Variants in ABAT observed in about 807,000 individuals in gnomAD.
ABAT encodes the protein 4-aminobutyrate aminotransferase, also known as 4-aminobutyrate aminotransferase, mitochondrial.
A neutral mutation model predicts 64.6 loss-of-function variants in ABAT; 45 were observed. The observed-to-expected ratio is 0.70, with a 90% CI of 0.55 to 0.89. ABAT has a LOEUF of 0.89. Ranked by LOEUF, ABAT falls within the 40% of genes least tolerant of loss-of-function variation. The pLI is 0.00. For missense variants in ABAT, 633 were observed against 658.4 expected, an observed-to-expected ratio of 0.96 and a Z score of 0.42; for synonymous variants, 297 against 250.5, an observed-to-expected ratio of 1.19 and a Z score of -1.75.
At chr16:8,769,794 T>C (rs1434185414) in intron 11 of ABAT, among the ~76,000 whole-genome samples, 1 of 152,108 alleles carries the variant, frequency 6.6e-6, no homozygotes, top group Non-Finnish European at 1.5e-5. Flanking sequence ...ACTCAGTATA[T>C]GGGGGTTCCA....
chr16:8,775,705 A>G (rs2060248359), intron 13 of ABAT, among the ~76,000 whole-genome samples: 1 of 152,196 alleles, frequency 6.6e-6, no homozygotes, highest in East Asian at 1.9e-4. Flanking sequence ...AGGCAGTAGG[A>G]AAGAAAAAGA....
chr16:8,755,413 A>G (rs2059621171), intron 5 of ABAT, among the ~76,000 whole-genome samples: 1 of 152,252 alleles, frequency 6.6e-6, no homozygotes, highest in Non-Finnish European at 1.5e-5. Context: ...TTCAAGACAC[A>G]TGAAAGTGAG....
intron 1 of ABAT, among the ~76,000 whole-genome samples, chr16:8,725,503 T>C (rs181307140): frequency 1.3e-5 from 2 of 152,370 alleles, no homozygotes; most frequent in Admixed American, 1.3e-4. Flanking sequence ...TCATATAGCA[T>C]AAAAAATATT....
chr16:8,775,184 C>T (rs1884611040), intron 13 of ABAT, 127 bp downstream of exon 13: 11 of 1,259,220 alleles, frequency 8.7e-6, no homozygotes, highest in Non-Finnish European at 1.2e-5. Flanking sequence ...TTTCTAAGTC[C>T]CAGTTCTTAT....
chr16:8,762,417 A>T (rs1323245276), intron 6 of ABAT, among the ~76,000 whole-genome samples: 1 of 152,194 alleles, frequency 6.6e-6, no homozygotes, highest in Non-Finnish European at 1.5e-5. Context: ...CACCTAGTGA[A>T]GAGTCTCCAG....
intron 5 of ABAT, among the ~76,000 whole-genome samples, chr16:8,751,528 T>G (rs1229055801): frequency 6.6e-6 from 1 of 152,176 alleles, no homozygotes; most frequent in Non-Finnish European, 1.5e-5. Context: ...CTGACCCCAC[T>G]TCGGGCTCTG....
intron 1 of ABAT, among the ~76,000 whole-genome samples, chr16:8,687,126 G>T (rs1596399104): frequency 1.3e-5 from 2 of 152,090 alleles, no homozygotes; most frequent in Non-Finnish European, 1.5e-5. Context: ...GGAGAGAGAG[G>T]GAAACAGTGA....
In ABAT at chr16:8,750,449, A is replaced by C; in HGVS notation, c.226A>C (p.Asn76His). The change falls in exon 5 of 16, where the codon AAT (asparagine) becomes CAT (histidine). Residue 76 changes from asparagine (N) to histidine (H), a missense_variant. Coordinates refer to ENST00000268251, the MANE Select transcript of ABAT (RefSeq NM_020686.6). ...QNAEAVHFFC[N>H]YEESRGNYLV... ...TGCAGAGGCTGTGCATTTTTTCTGC[A>C]ATTACGAAGAGAGCCGAGGCAATTA... 6.2e-7 allele frequency: 1 copy of C among 1,614,168 alleles called. No homozygotes were observed. Among genetic ancestry groups the C allele is most frequent in the Non-Finnish European group, 8.5e-7 (1 of 1,180,018 alleles).
At chr16:8,773,179 T>C (rs2060171840) in intron 12 of ABAT, among the ~76,000 whole-genome samples, 1 of 147,124 alleles carries the variant, frequency 6.8e-6, no homozygotes. Context: ...TGAGACAGAG[T>C]CTCACTCTGT....
chr16:8,741,799 G>T (rs1318758875), intron 2 of ABAT, among the ~76,000 whole-genome samples: 1 of 152,192 alleles, frequency 6.6e-6, no homozygotes, highest in Non-Finnish European at 1.5e-5. Flanking sequence ...AAGAACCTGG[G>T]TTCCAATGCT....
At chr16:8,744,153 T>C (rs2059263168) in intron 2 of ABAT, among the ~76,000 whole-genome samples, 1 of 151,940 alleles carries the variant, frequency 6.6e-6, no homozygotes, top group Admixed American at 6.6e-5. Context: ...GTTCCCGCAA[T>C]GCTACAAAAA....
rs2143010518 is a variant in ABAT at position 8,783,104 on chromosome 16, T to C, written c.*1674T>C. On this transcript the variant is annotated 3_prime_UTR_variant, in exon 16 of 16. Coordinates refer to ENST00000268251, the MANE Select transcript of ABAT (RefSeq NM_020686.6). ...GTTCTTAATCAGGAGTTCTGCCAGG[T>C]TTAAGGTCACCTGCACTCCCAGCCA... The C allele has an allele frequency of 6.6e-6, 1 of 152,202 alleles. No homozygotes were observed. Among genetic ancestry groups the C allele is most frequent in the African/African-American group, 2.4e-5 (1 of 41,532 alleles). The allele number at this position is 152,202 out of a possible 1,614,324, so 9.4% of individuals were successfully genotyped here. A position where few individuals can be genotyped will look rare whatever the true frequency, so the allele number is the denominator to read the frequency against.
At chr16:8,763,548 T>C (rs2059856143) in intron 6 of ABAT, among the ~76,000 whole-genome samples, 2 of 152,180 alleles carry the variant, frequency 1.3e-5, no homozygotes, top group African/African-American at 4.8e-5. Flanking sequence ...CCCAAGACAC[T>C]CTTTCTCTAC....
At chr16:8,693,260 G>A (rs184387512) in intron 1 of ABAT, among the ~76,000 whole-genome samples, 159 of 152,138 alleles carry the variant, frequency 1.0e-3, no homozygotes, top group Non-Finnish European at 1.7e-3. Flanking sequence ...TAGCCTCTAC[G>A]TATATTTTAT....
At chr16:8,680,679 C>T (rs978476269) in intron 1 of ABAT, among the ~76,000 whole-genome samples, 2 of 152,192 alleles carry the variant, frequency 1.3e-5, no homozygotes, top group African/African-American at 2.4e-5. Context: ...CCGCCTGCCT[C>T]GGCTTCCCAA....
At chr16:8,728,684 G>A (rs1361078056) in intron 1 of ABAT, among the ~76,000 whole-genome samples, 2 of 152,010 alleles carry the variant, frequency 1.3e-5, no homozygotes, top group Non-Finnish European at 2.9e-5. Flanking sequence ...GAACCTTCTG[G>A]CCAACATGGT....
At chr16:8,729,103 T>C (rs1181825511) in intron 1 of ABAT, among the ~76,000 whole-genome samples, 3 of 151,086 alleles carry the variant, frequency 2.0e-5, no homozygotes, top group Admixed American at 2.0e-4. Flanking sequence ...GCTCAGGAGT[T>C]CAAGACCATC....
At chr16:8,713,851 CGACT>C (rs1567280867) in intron 1 of ABAT, 3 of 456,036 alleles carry the variant, frequency 6.6e-6, no homozygotes, top group South Asian at 4.6e-5. Flanking sequence ...CGCAGGACTC[CGACT>C]ACCAGGCACC....
intron 6 of ABAT, among the ~76,000 whole-genome samples, chr16:8,761,181 C>G (rs1010620400): frequency 2.0e-5 from 3 of 149,590 alleles, no homozygotes; most frequent in Non-Finnish European, 3.0e-5. Context: ...CTTCCCCCAC[C>G]TTCCCTATCC....
Sources: allele counts gnomAD v4.1 joint callset (sites outside exome capture counted in the v4.1 genomes callset), GRCh38; gene constraint gnomAD v4.1.1; transcripts MANE v1.5; gene names NCBI Gene and HGNC (gene_info 2026-07-23, HGNC 2026-07-21).